ACSM2B: variants seen among roughly 807,000 people sequenced by gnomAD.
ACSM2B encodes the protein acyl-coenzyme A synthetase ACSM2B, mitochondrial.
A neutral mutation model predicts 78.6 loss-of-function variants in ACSM2B; 58 were observed. That is an observed-to-expected ratio of 0.74 (90% CI 0.60 to 0.92). ACSM2B has a LOEUF of 0.92. Among genes scored for constraint, ACSM2B ranks in the 40% least tolerant of loss-of-function variants. The probability of loss-of-function intolerance (pLI) is 0.00; values close to 1 mark genes in which losing one functional copy is unlikely to be tolerated. For synonymous variants in ACSM2B, 257 were observed against 256.8 expected, an observed-to-expected ratio of 1.00 and a Z score of -0.01; for missense variants, 688 against 711.2, an observed-to-expected ratio of 0.97 and a Z score of 0.37.
chr16:20,572,175 G>A (rs2152152520), intron 1 of ACSM2B, among the ~76,000 whole-genome samples: 1 of 151,176 alleles, frequency 6.6e-6, no homozygotes, highest in African/African-American at 2.4e-5. Context: ...TAGGTCATGT[G>A]AGGTTTATGC....
intron 1 of ACSM2B, among the ~76,000 whole-genome samples, chr16:20,567,534 G>A (rs1185305136): frequency 1.1e-4 from 12 of 107,538 alleles, no homozygotes; most frequent in East Asian, 6.0e-4. Flanking sequence ...TATATAAATA[G>A]TATATAATAT....
chr16:20,567,214 T>A (rs1382436405), intron 1 of ACSM2B, among the ~76,000 whole-genome samples: 2 of 131,300 alleles, frequency 1.5e-5, no homozygotes, highest in Non-Finnish European at 3.1e-5. Flanking sequence ...TTATATATTA[T>A]ACTATATACT....
chr16:20,563,041 C>T (rs1159358537), intron 2 of ACSM2B, among the ~76,000 whole-genome samples: 2 of 152,242 alleles, frequency 1.3e-5, no homozygotes, highest in South Asian at 2.1e-4. Flanking sequence ...GCCCCCTGCC[C>T]TCCAAATTAT....
intron 1 of ACSM2B, 118 bp downstream of exon 1, chr16:20,576,089 A>G (rs2016242453): frequency 6.7e-6 from 1 of 148,630 alleles, no homozygotes; most frequent in African/African-American, 2.6e-5. Context: ...CATGGTCCCT[A>G]GGAATTTCTG....
chr16:20,567,362 T>C (rs1488885894), intron 1 of ACSM2B, among the ~76,000 whole-genome samples: 14 of 116,914 alleles, frequency 1.2e-4, no homozygotes, highest in African/African-American at 5.0e-4. Flanking sequence ...TTATATATTA[T>C]ATATTATATA....
chr16:20,542,679 A>T, intron 12 of ACSM2B: 1 of 551,272 alleles, frequency 1.8e-6, no homozygotes, highest in Non-Finnish European at 3.2e-6. Context: ...ACCATACTTA[A>T]GTACTTTACA....
chr16:20,566,401 ATAT>A (rs1464379135), intron 1 of ACSM2B, among the ~76,000 whole-genome samples: 3 of 132,024 alleles, frequency 2.3e-5, no homozygotes, highest in Non-Finnish European at 4.7e-5. Flanking sequence ...ATATGTGGAT[ATAT>A]TATATATCAT....
chr16:20,549,405 G>A (rs1472309112), intron 6 of ACSM2B, among the ~76,000 whole-genome samples: 2 of 151,970 alleles, frequency 1.3e-5, no homozygotes, highest in Admixed American at 6.6e-5. Context: ...AAGGAGGTTC[G>A]GGGCATCACA....
Position 20,548,160 on chromosome 16 carries a change from A to T in ACSM2B, c.1000T>A (p.Cys334Ser). The T allele has an allele frequency of 6.2e-6, 10 of 1,614,066 alleles. No individual in the cohort carries two copies. The highest frequency in any genetic ancestry group is 7.6e-6 in the Non-Finnish European group (9 of 1,179,934). ...AGAAGGGACTCCCCTCCAGCGAGGC[A>T]GTTCTGTAGATGGGGGAACTTGTAA... The part of the protein sequence containing the change: ...SSYKFPHLQN[C>S]LAGGESLLPE... The change falls in exon 8 of 14, where the codon TGC becomes AGC. Residue 334 changes from cysteine (C) to serine (S), a missense_variant. Physicochemically the swap from Cys to Ser is moderately radical, Grantham distance 112 (BLOSUM62 -1). Transcript: ENST00000329697.
chr16:20,545,102 G>A lies in ACSM2B; in HGVS notation c.1281+55C>T, dbSNP rs549069424. ...CAGAACATTTGTCCTCCCTCATCCCGTTTAGTGCTCCCATCCTCACTGGGG... is the reference window on the plus strand; with the variant it reads ...CAGAACATTTGTCCTCCCTCATCCCATTTAGTGCTCCCATCCTCACTGGGG... On this transcript the variant is annotated intron_variant, in intron 10 of 13. Coordinates refer to ENST00000329697, the MANE Select transcript of ACSM2B (RefSeq NM_001105069.2). The A allele has an allele frequency of 3.8e-4, 595 of 1,565,278 alleles. 1 individual carries two copies. The highest frequency in any genetic ancestry group is 1.2e-3 in the African/African-American group (86 of 73,900).
At position 20,538,263 on chromosome 16, in the gene ACSM2B, A is replaced by T. The variant is rs554304796; in HGVS notation, c.1630-901T>A. Among the ~76,000 whole-genome samples the T allele has an allele frequency of 5.3e-5, 8 of 152,332 alleles. No homozygotes were observed. The South Asian group carries it at 1.4e-3, about 28-fold the overall frequency. On this transcript the variant is annotated intron_variant, in intron 13 of 13. Transcript: ENST00000329697. ...TTGTGGAGAAGAGTTTATTCAAAAC[A>T]CAATGAAATGGAGCAGAGGTCAGCA...
intron 9 of ACSM2B, 78 bp from the exon 10 acceptor site, chr16:20,545,336 G>T: frequency 2.6e-6 from 4 of 1,512,836 alleles, no homozygotes; most frequent in South Asian, 1.3e-5. Context: ...TTGCTGAGTT[G>T]GTCAAATGAA....
chr16:20,544,380 C>G lies in ACSM2B; in HGVS notation c.1281+777G>C, dbSNP rs186312480. ...ACATAGTAGAGCAGGGTTTTGAACT[C>G]GAGCAATCTGAGTCCAAAAACTTTA... On this transcript the variant is annotated intron_variant, in intron 10 of 13. Transcript: ENST00000329697. 3.1e-3 allele frequency: 607 copies of G among 195,286 alleles called. 7 individuals carry two copies. Among genetic ancestry groups the G allele is most frequent in the African/African-American group, 0.014 (591 of 41,976 alleles). 12.1% of individuals were successfully genotyped at this position (195,286 alleles called of 1,614,324 possible).
At chr16:20,561,420 A>G (rs2015651333) in intron 2 of ACSM2B, among the ~76,000 whole-genome samples, 2 of 151,206 alleles carry the variant, frequency 1.3e-5, no homozygotes, top group African/African-American at 4.8e-5. Flanking sequence ...AAAAGCAGGA[A>G]CAAGAGAGAG....
At chr16:20,566,247 T>TTATA (rs200052689) in intron 1 of ACSM2B, among the ~76,000 whole-genome samples, 4,689 of 69,576 alleles carry the variant, frequency 0.067, 191 homozygotes, top group Non-Finnish European at 0.079. Flanking sequence ...TCATGGAAGA[T>TTATA]TATATATATA....
intron 4 of ACSM2B, 129 bp downstream of exon 4, chr16:20,555,140 T>C: frequency 6.9e-7 from 1 of 1,455,942 alleles, no homozygotes; most frequent in Non-Finnish European, 9.3e-7. Context: ...CTTTTATTTC[T>C]TCCCAGCTTC....
chr16:20,572,903 A>G (rs1375333466), intron 1 of ACSM2B, among the ~76,000 whole-genome samples: 2 of 148,256 alleles, frequency 1.3e-5, no homozygotes, highest in African/African-American at 2.5e-5. Context: ...TGTGTTCTTT[A>G]TTTCCTAAAG....
At chr16:20,558,767 C>A (rs1313400484) in intron 3 of ACSM2B, among the ~76,000 whole-genome samples, 2 of 152,218 alleles carry the variant, frequency 1.3e-5, no homozygotes, top group Non-Finnish European at 2.9e-5. Flanking sequence ...CTCGTTCCAA[C>A]TACTCAAGTT....
Position 20,542,973 on chromosome 16 carries a change from T to A in ACSM2B, c.1450A>T (p.Lys484Ter), listed in dbSNP as rs1054968. The A allele has an allele frequency of 6.2e-7, 1 of 1,611,488 alleles. No individual in the cohort carries two copies. The highest frequency in any genetic ancestry group is 8.5e-7 in the Non-Finnish European group (1 of 1,179,686). The change falls in exon 12 of 14, where the codon AAG (lysine) becomes TAG (stop). Residue 484 changes from lysine to a stop codon, truncating the protein, a stop_gained. Coordinates refer to ENST00000329697, the MANE Select transcript of ACSM2B (RefSeq NM_001105069.2). LOFTEE classifies it high-confidence loss of function. ...GPSEVENALM[K>*]HPAVVETAVI... is the part of the protein sequence containing the mutation. ...GCCGTCTCAACCACAGCAGGGTGCT[T>A]CATCAGTGCATTCTCTACCTCCGAG...
Sources: allele counts gnomAD v4.1 joint callset (sites outside exome capture counted in the v4.1 genomes callset), GRCh38; gene constraint gnomAD v4.1.1; transcripts MANE v1.5; gene names NCBI Gene and HGNC (gene_info 2026-07-23, HGNC 2026-07-21).